The following HERC4 variants were observed in gnomAD, a reference collection of about 807,000 sequenced individuals.
The protein encoded by HERC4 is HECT and RLD domain containing E3 ubiquitin protein ligase 4.
HERC4 carries 28 observed loss-of-function variants against 124.3 expected under a neutral mutation model. That is an observed-to-expected ratio of 0.23 (90% CI 0.17 to 0.31). The LOEUF is 0.31. Ranked by LOEUF, HERC4 falls within the 10% of genes least tolerant of loss-of-function variation. HERC4 has a pLI of 1.00. For missense variants in HERC4, 713 were observed against 1,229.3 expected, an observed-to-expected ratio of 0.58 and a Z score of 6.28; for synonymous variants, 407 against 421.5, an observed-to-expected ratio of 0.97 and a Z score of 0.42.
At chr10:68,000,512 G>A (rs1589286506) in intron 9 of HERC4, among the ~76,000 whole-genome samples, 1 of 151,688 alleles carries the variant, frequency 6.6e-6, no homozygotes, top group African/African-American at 2.4e-5. Context: ...CTGGGAGGTG[G>A]AGGCTGCAGT....
At chr10:68,038,038 A>G in intron 5 of HERC4, 55 bp downstream of exon 5, 1 of 1,004,176 alleles carries the variant, frequency 1.0e-6, no homozygotes, top group Non-Finnish European at 1.5e-6. Context: ...ATGCACAATC[A>G]AAAAAGTATC....
At chr10:67,975,978 G>A (rs1365010620) in intron 15 of HERC4, among the ~76,000 whole-genome samples, 3 of 150,516 alleles carry the variant, frequency 2.0e-5, no homozygotes, top group Non-Finnish European at 2.9e-5. Flanking sequence ...GAAGGGGTCG[G>A]CAAACTACAA....
At position 68,006,281 on chromosome 10, in the gene HERC4, T is replaced by C. The variant is rs1047557121; in HGVS notation, c.1069+7745A>G. Among the ~76,000 whole-genome samples, 3 of 152,122 alleles carry C rather than the reference T, an allele frequency of 2.0e-5. 1 individual carries two copies. Among genetic ancestry groups the C allele is most frequent in the Admixed American group, 2.0e-4 (3 of 15,260 alleles). On this transcript the variant is annotated intron_variant, in intron 9 of 24. Coordinates refer to ENST00000373700, the MANE Select transcript of HERC4 (RefSeq NM_015601.4). ...GTTGATTTGTTATTGTTCATTAATG[T>C]CCCTTTCCTTCAGAATGAAAAACTC...
At chr10:68,019,269 T>C (rs941047792) in intron 8 of HERC4, among the ~76,000 whole-genome samples, 2 of 152,164 alleles carry the variant, frequency 1.3e-5, no homozygotes, top group Non-Finnish European at 2.9e-5. Flanking sequence ...GTGCTGAGAT[T>C]ACAGGCGTGA....
At chr10:68,031,888 G>T (rs2039224989) in intron 7 of HERC4, among the ~76,000 whole-genome samples, 1 of 152,018 alleles carries the variant, frequency 6.6e-6, no homozygotes, top group Non-Finnish European at 1.5e-5. Flanking sequence ...GGAGTAGCTG[G>T]GGATAGGTGC....
At chr10:67,928,696 G>C (rs1248713556) in intron 23 of HERC4, among the ~76,000 whole-genome samples, 1 of 152,162 alleles carries the variant, frequency 6.6e-6, no homozygotes, top group Non-Finnish European at 1.5e-5. Context: ...GCCGAGGCGA[G>C]TGGATCATGA....
intron 3 of HERC4, chr10:68,067,359 C>T (rs1191149489): frequency 2.6e-5 from 4 of 152,552 alleles, no homozygotes; most frequent in African/African-American, 9.7e-5. Context: ...GCCTCCACTC[C>T]TGACCCAAGT....
At chr10:67,979,328 G>A (rs2035788824) in intron 15 of HERC4, among the ~76,000 whole-genome samples, 1 of 151,994 alleles carries the variant, frequency 6.6e-6, no homozygotes, top group Non-Finnish European at 1.5e-5. Context: ...CTGAAAAAAT[G>A]TAATTGACAT....
At chr10:67,937,279 C>T (rs1442670392) in intron 21 of HERC4, among the ~76,000 whole-genome samples, 1 of 151,906 alleles carries the variant, frequency 6.6e-6, no homozygotes, top group East Asian at 1.9e-4. Context: ...GGGAGGGATA[C>T]AATGAAAGGA....
At chr10:67,973,969 C>T (rs535053452) in intron 15 of HERC4, among the ~76,000 whole-genome samples, 5 of 151,326 alleles carry the variant, frequency 3.3e-5, no homozygotes, top group African/African-American at 9.7e-5. Context: ...ATCACTTGAA[C>T]CCGGGAGGCA....
In HERC4 at chr10:68,032,763, TTAGAAG is replaced by T. The variant is rs752587093; in HGVS notation, c.777+9_777+14del. Reference sequence around the variant, plus strand: ...TATGATGAGTAATAATAAAGAAGTTTTAGAAGTACAATACCTTGGTTAGAGCAGCAG... The same window carrying T: ...TATGATGAGTAATAATAAAGAAGTTTTACAATACCTTGGTTAGAGCAGCAG... On this transcript the variant is annotated intron_variant, in intron 7 of 24. Transcript: ENST00000373700. The T allele has an allele frequency of 2.2e-6, 3 of 1,333,576 alleles. No individual in the cohort carries two copies. The highest frequency in any genetic ancestry group is 3.2e-6 in the Non-Finnish European group (3 of 928,524). 82.6% of individuals were successfully genotyped at this position (1,333,576 alleles called of 1,614,324 possible). A position where few individuals can be genotyped will look rare whatever the true frequency, so the allele number is the denominator to read the frequency against.
At position 67,992,609 on chromosome 10, in the gene HERC4, G is replaced by C. The variant is rs376162026; in HGVS notation, c.1143C>G (p.Pro381=). The part of the protein sequence containing the change: ...GDQSFSHYSS[P]QNCGPPDDFR... ...ATTTACATGACTATATTATTACCTG[G>C]GGACTAGAGTAATGTGAAAAGCTTT... The change falls in exon 10 of 25, where the codon CCC becomes CCG. Residue 381 remains proline (P), a synonymous_variant. Transcript: ENST00000373700. 18 of 1,494,112 alleles carry C rather than the reference G, an allele frequency of 1.2e-5. No homozygotes were observed. The African/African-American group carries it at 2.4e-4, about 20-fold the overall frequency. 92.6% of individuals were successfully genotyped at this position (1,494,112 alleles called of 1,614,324 possible).
At chr10:68,054,193 T>TA (rs960768654) in intron 3 of HERC4, among the ~76,000 whole-genome samples, 2 of 152,042 alleles carry the variant, frequency 1.3e-5, no homozygotes, top group Non-Finnish European at 2.9e-5. Flanking sequence ...TACTATAAAA[T>TA]AAAAAAGATA....
intron 7 of HERC4, among the ~76,000 whole-genome samples, chr10:68,028,129 C>T (rs1435848949): frequency 6.7e-6 from 1 of 149,728 alleles, no homozygotes; most frequent in Non-Finnish European, 1.5e-5. Context: ...CATTATTTTT[C>T]CTAGCGTTAT....
intron 5 of HERC4, among the ~76,000 whole-genome samples, chr10:68,037,812 C>G (rs577044046): frequency 2.0e-5 from 3 of 152,192 alleles, no homozygotes; most frequent in African/African-American, 7.2e-5. Context: ...GACAAATATA[C>G]CGTGTTCTAG....
intron 9 of HERC4, among the ~76,000 whole-genome samples, chr10:68,009,042 G>A (rs1389013682): frequency 6.6e-6 from 1 of 152,016 alleles, no homozygotes; most frequent in Non-Finnish European, 1.5e-5. Context: ...CCAACATGTT[G>A]AAACCCTGTC....
At chr10:68,035,284 C>G (rs749988015) in intron 5 of HERC4, among the ~76,000 whole-genome samples, 3 of 151,918 alleles carry the variant, frequency 2.0e-5, no homozygotes, top group Non-Finnish European at 4.4e-5. Context: ...TTCTGAGTAG[C>G]TGGGATTACA....
In HERC4 at chr10:68,059,684, AATATTATATATT is replaced by A. The variant is rs1176643298; in HGVS notation, c.226+13187_226+13198del. Among the ~76,000 whole-genome samples, 268 of 52,548 alleles carry A rather than the reference AATATTATATATT, an allele frequency of 5.1e-3. 66 individuals are homozygous for A. The highest frequency in any genetic ancestry group is 0.039 in the African/African-American group (190 of 4,882). The allele number at this position is 52,548 out of a possible 152,430, so 34.5% of individuals were successfully genotyped here. A position where few individuals can be genotyped will look rare whatever the true frequency, so the allele number is the denominator to read the frequency against. ...TATTATATATTATATTATATATCAT[AATATTATATATT>A]ATAATATTATATATCATAATATTAT... is the stretch of plus-strand genomic sequence containing the variant. On this transcript the variant is annotated intron_variant, in intron 3 of 24. Coordinates refer to ENST00000373700, the MANE Select transcript of HERC4 (RefSeq NM_015601.4).
rs1194524717 is a variant in HERC4, at chr10:67,926,012, C to T, written c.2839-825G>A. ...CTCCTGAATTCCTGACCCACAGAAA[C>T]TATGAAACAAGAGTTTCATTGTTAT... is the stretch of plus-strand genomic sequence containing the variant. On this transcript the variant is annotated intron_variant, in intron 23 of 24. Coordinates refer to ENST00000373700, the MANE Select transcript of HERC4 (RefSeq NM_015601.4). Among the ~76,000 whole-genome samples the T allele has an allele frequency of 2.0e-5, 3 of 152,282 alleles. No individual in the cohort carries two copies. The East Asian group carries it at 5.8e-4, about 29-fold the overall frequency.
Sources: gnomAD v4.1 joint callset for allele counts (sites outside exome capture counted in the v4.1 genomes callset) on GRCh38, gnomAD v4.1.1 for gene constraint, MANE v1.5 for transcripts, NCBI Gene and HGNC (gene_info 2026-07-23, HGNC 2026-07-21) for gene names.